AP3D1: variants seen among roughly 807,000 people sequenced by gnomAD.
AP3D1 encodes the protein AP-3 complex subunit delta-1.
In AP3D1, 51 loss-of-function variants were observed where a neutral mutation model predicts 147.6. The observed-to-expected ratio is 0.35, with a 90% CI of 0.28 to 0.44. The LOEUF (loss-of-function observed/expected upper bound fraction) is 0.44, where lower values mean the gene tolerates loss of function less well. Among genes scored for constraint, AP3D1 ranks in the 20% least tolerant of loss-of-function variants. AP3D1 has a pLI of 1.00. For synonymous variants in AP3D1, 760 were observed against 663.0 expected (o/e 1.15, Z -2.25); for missense variants, 1,421 against 1,624.2 (o/e 0.87, Z 2.15).
At position 2,116,886 on chromosome 19, in the gene AP3D1, A is replaced by G. The variant is rs73916849; in HGVS notation, c.1860-140T>C. 2,997 of 1,191,628 alleles carry G rather than the reference A, an allele frequency of 2.5e-3. 57 individuals carry two copies. In the African/African-American group the frequency reaches 0.042, roughly 17 times the overall value. The allele number at this position is 1,191,628 out of a possible 1,614,324, so 73.8% of individuals were successfully genotyped here. A position where few individuals can be genotyped will look rare whatever the true frequency, so the allele number is the denominator to read the frequency against. On this transcript the variant is annotated intron_variant, in intron 16 of 31. Transcript: ENST00000643116. ...GCCTGCCACCCACACAGGGCCAGCG[A>G]GGCAGGTGTCACTGCCCCTTAAGAG...
At chr19:2,115,653 G>A (rs187296720) in intron 18 of AP3D1, 40 bp from the exon 19 acceptor site, 9 of 1,587,602 alleles carry the variant, frequency 5.7e-6, no homozygotes, top group Admixed American at 3.4e-5. Flanking sequence ...TGCACCGAGG[G>A]GTGACACACG....
At chr19:2,133,128 G>T (rs1055177089) in intron 4 of AP3D1, among the ~76,000 whole-genome samples, 22 of 152,192 alleles carry the variant, frequency 1.4e-4, no homozygotes, top group African/African-American at 4.8e-4. Flanking sequence ...GGCGGTGCTG[G>T]GCCTGGCACA....
intron 5 of AP3D1, 27 bp downstream of exon 5, chr19:2,132,444 G>T: frequency 6.4e-7 from 1 of 1,567,214 alleles, no homozygotes; most frequent in South Asian, 1.1e-5. Context: ...AGACATGCAG[G>T]GGTGGTGGGC....
chr19:2,125,310 T>C (rs2018723496), intron 9 of AP3D1, among the ~76,000 whole-genome samples: 1 of 152,164 alleles, frequency 6.6e-6, no homozygotes, highest in South Asian at 2.1e-4. Flanking sequence ...GTTGTTTTTT[T>C]GTTTTGTTTT....
In AP3D1 at chr19:2,117,314, G is replaced by A. The variant is rs552960764; in HGVS notation, c.1767C>T (p.Asp589=). The A allele has an allele frequency of 4.3e-5, 69 of 1,612,656 alleles. No homozygotes were observed. Among genetic ancestry groups the A allele is most frequent in the Admixed American group, 2.0e-4 (12 of 59,972 alleles). Residue 589 remains aspartate (D), a synonymous_variant, in exon 16 of 32, where the codon GAC becomes GAT. Transcript: ENST00000643116. The part of the protein sequence containing the change: ...VKHIQKLQAK[D]VPVAEEVSAL... The stretch of plus-strand genomic sequence containing the variant: ...CGCTGACCTCCTCTGCCACAGGCAC[G>A]TCCTTGGCCTGAAGCTTCTGGATGT...
intron 1 of AP3D1, among the ~76,000 whole-genome samples, chr19:2,141,481 T>C (rs2019218817): frequency 6.6e-6 from 1 of 150,574 alleles, no homozygotes; most frequent in African/African-American, 2.5e-5. Context: ...GTCACCAGGC[T>C]GGAGTGCAGT....
intron 24 of AP3D1, 80 bp from the exon 25 acceptor site, chr19:2,111,908 C>G: frequency 2.5e-6 from 4 of 1,592,050 alleles, no homozygotes; most frequent in Non-Finnish European, 2.6e-6. Flanking sequence ...AGGATCACAG[C>G]AGGGCTGCTC....
chr19:2,115,436 G>A lies in AP3D1; in HGVS notation c.2150-18C>T, dbSNP rs774915925. ...AGGCAGCCCTGCGGGCCGGCAGCGG[G>A]CAGCCACTCAGCACTGCACCCCAGG... On this transcript the variant is annotated intron_variant, in intron 19 of 31. Transcript: ENST00000643116. 9.5e-5 allele frequency: 152 copies of A among 1,607,280 alleles called. No individual in the cohort carries two copies. The highest frequency in any genetic ancestry group is 3.0e-4 in the South Asian group (27 of 91,062).
chr19:2,153,387 G>GT (rs370165402), upstream of AP3D1, among the ~76,000 whole-genome samples: 2 of 138,122 alleles, frequency 1.4e-5, no homozygotes, highest in African/African-American at 6.7e-5. Context: ...AAAGAAGTGG[G>GT]GGGGGGGACC....
At position 2,115,438 on chromosome 19, in the gene AP3D1, AG is replaced by A; in HGVS notation, c.2150-21del. On this transcript the variant is annotated intron_variant, in intron 19 of 31. Transcript: ENST00000643116. ...GCAGCCCTGCGGGCCGGCAGCGGGC[AG>A]CCACTCAGCACTGCACCCCAGGGGC... 1 of 1,608,796 alleles carries A rather than the reference AG, an allele frequency of 6.2e-7. No homozygotes were observed. The highest frequency in any genetic ancestry group is 1.1e-5 in the South Asian group (1 of 91,054).
rs766764592 is a variant in AP3D1, at chr19:2,121,700, CCAGG to C, written c.1101+30_1101+33del. 2.6e-6 allele frequency: 4 copies of C among 1,543,638 alleles called. No homozygotes were observed. In the Admixed American group the frequency reaches 6.2e-5, roughly 24 times the overall value. ...CTTAATGTCCCTTAGAGAACTAAGG[CCAGG>C]CGGGCGGGCGGCGGACAGAGGGCAC... is the stretch of plus-strand genomic sequence containing the variant. On this transcript the variant is annotated intron_variant, in intron 12 of 31. Transcript: ENST00000643116.
intron 6 of AP3D1, among the ~76,000 whole-genome samples, chr19:2,130,166 T>C (rs1599474787): frequency 6.6e-6 from 1 of 152,112 alleles, no homozygotes; most frequent in East Asian, 1.9e-4. Flanking sequence ...TGGGTACACC[T>C]CTGCTCAGGG....
intron 5 of AP3D1, among the ~76,000 whole-genome samples, chr19:2,131,086 C>T (rs925908555): frequency 2.0e-5 from 3 of 152,276 alleles, no homozygotes; most frequent in Non-Finnish European, 2.9e-5. Context: ...GCCAGACAGC[C>T]TCTGTCATGA....
rs557684269 is a variant in AP3D1, at chr19:2,115,263, C to T, written c.2305G>A (p.Ala769Thr). The change falls in exon 20 of 32, where the codon GCC (alanine) becomes ACC (threonine). Residue 769 changes from alanine to threonine, a missense_variant. Coordinates refer to ENST00000643116, the MANE Select transcript of AP3D1 (RefSeq NM_001261826.3). ...SLPTESDEDIAPAQQVDIVTE... is the reference protein window; with the variant it reads ...SLPTESDEDITPAQQVDIVTE... ...ACGATGTCCACCTGCTGGGCAGGGG[C>T]GATGTCCTCGTCGCTCTCCGTGGGC... 8 of 1,613,458 alleles carry T rather than the reference C, an allele frequency of 5.0e-6. No homozygotes were observed. The South Asian group carries it at 8.8e-5, about 18-fold the overall frequency.
chr19:2,121,637 G>C, intron 12 of AP3D1, 97 bp downstream of exon 12: 1 of 1,454,838 alleles, frequency 6.9e-7, no homozygotes, highest in Non-Finnish European at 9.1e-7. Flanking sequence ...CCGAGTGTGA[G>C]GGGACTCCAT....
intron 31 of AP3D1, among the ~76,000 whole-genome samples, chr19:2,102,919 A>G (rs1034378109): frequency 4.6e-5 from 7 of 152,058 alleles, no homozygotes; most frequent in Admixed American, 1.3e-4. Flanking sequence ...ACCACACTCC[A>G]GCCTGGGCAA....
At chr19:2,134,101 A>C (rs2019017835) in intron 4 of AP3D1, among the ~76,000 whole-genome samples, 2 of 151,986 alleles carry the variant, frequency 1.3e-5, no homozygotes, top group African/African-American at 4.8e-5. Flanking sequence ...CTGTCTCAAA[A>C]AATAAATAAA....
At chr19:2,108,838 C>T (rs1218706141) in intron 30 of AP3D1, 72 bp from the exon 31 acceptor site, 3 of 1,487,742 alleles carry the variant, frequency 2.0e-6, no homozygotes, top group Non-Finnish European at 2.7e-6. Flanking sequence ...GAGCAGGGGC[C>T]ACCTTCTTGG....
chr19:2,115,087 T>C, intron 20 of AP3D1, 132 bp downstream of exon 20: 1 of 983,920 alleles, frequency 1.0e-6, no homozygotes, highest in Non-Finnish European at 1.5e-6. Context: ...CCTCTCCTCC[T>C]ATGCTCTCCG....
Sources: gnomAD v4.1 joint callset for allele counts (sites outside exome capture counted in the v4.1 genomes callset) on GRCh38, gnomAD v4.1.1 for gene constraint, MANE v1.5 for transcripts, NCBI Gene and HGNC (gene_info 2026-07-23, HGNC 2026-07-21) for gene names.